The following ACTR3B variants were observed in gnomAD, a reference collection of about 807,000 sequenced individuals.
ACTR3B encodes the protein actin related protein 3B, also known as actin-related protein 3B.
ACTR3B carries 8 observed loss-of-function variants against 59.0 expected under a neutral mutation model. The ratio of observed to expected loss-of-function variants is 0.14; its 90% CI spans 0.08 to 0.24. The LOEUF is 0.24. Among genes scored for constraint, ACTR3B ranks in the 10% least tolerant of loss-of-function variants. ACTR3B has a pLI of 1.00. For missense variants in ACTR3B, 245 were observed against 552.3 expected, an observed-to-expected ratio of 0.44 and a Z score of 5.58; for synonymous variants, 148 against 197.9, an observed-to-expected ratio of 0.75 and a Z score of 2.12.
At chr7:152,802,913 A>G (rs926418960) in intron 4 of ACTR3B, among the ~76,000 whole-genome samples, 2 of 152,264 alleles carry the variant, frequency 1.3e-5, no homozygotes, top group African/African-American at 2.4e-5. Flanking sequence ...AATGTATATT[A>G]AAGCCAGTCT....
At chr7:152,833,905 C>T (rs1797226188) in intron 9 of ACTR3B, among the ~76,000 whole-genome samples, 1 of 151,964 alleles carries the variant, frequency 6.6e-6, no homozygotes, top group Non-Finnish European at 1.5e-5. Flanking sequence ...TTGAGGAATT[C>T]AGTCGATATA....
chr7:152,854,683 T>C lies in ACTR3B; in HGVS notation c.*130T>C. 1.1e-6 allele frequency: 1 copy of C among 940,856 alleles called. No homozygotes were observed. The highest frequency in any genetic ancestry group is 1.5e-5 in the South Asian group (1 of 67,088). The allele number at this position is 940,856 out of a possible 1,614,324, so 58.3% of individuals were successfully genotyped here. ...CCCAGCAGCGTGCTTGCATTGCCGG[T>C]GCATGAGGCGCGGCGCGGGCCCTTC... On this transcript the variant is annotated 3_prime_UTR_variant, in exon 12 of 12. Coordinates refer to ENST00000256001, the MANE Select transcript of ACTR3B (RefSeq NM_020445.6). This position sits in a 1 kb window ranked among gnomAD's most constrained non-coding sequence, Gnocchi z 4.9.
chr7:152,762,653 T>G (rs2966540), intron 1 of ACTR3B, among the ~76,000 whole-genome samples: 1 of 152,236 alleles, frequency 6.6e-6, no homozygotes, highest in African/African-American at 2.4e-5. Context: ...ATATACAGTA[T>G]GGATTCATGT....
chr7:152,793,092 TTTTTG>T (rs1196493995), intron 2 of ACTR3B, among the ~76,000 whole-genome samples: 3 of 149,526 alleles, frequency 2.0e-5, no homozygotes, highest in Non-Finnish European at 4.4e-5. Flanking sequence ...GAATGGATTT[TTTTTG>T]TTTTGTTTTG....
At chr7:152,818,044 G>C (rs1048045339) in intron 6 of ACTR3B, among the ~76,000 whole-genome samples, 2 of 152,140 alleles carry the variant, frequency 1.3e-5, no homozygotes, top group African/African-American at 2.4e-5. Flanking sequence ...CCCCCTTCAA[G>C]CCAGTCTCAG....
intron 10 of ACTR3B, among the ~76,000 whole-genome samples, chr7:152,853,290 T>G (rs993292779): frequency 6.6e-6 from 1 of 152,000 alleles, no homozygotes; most frequent in Non-Finnish European, 1.5e-5. Context: ...TGTGTTCCTT[T>G]GAGCGCTGGG....
intron 2 of ACTR3B, among the ~76,000 whole-genome samples, chr7:152,788,574 A>G (rs2098182755): frequency 6.6e-6 from 1 of 151,890 alleles, no homozygotes; most frequent in Non-Finnish European, 1.5e-5. Flanking sequence ...CACCATGCTC[A>G]GCTAATTTTT....
intron 9 of ACTR3B, among the ~76,000 whole-genome samples, chr7:152,847,728 G>A (rs1032083330): frequency 1.8e-4 from 28 of 152,178 alleles, no homozygotes; most frequent in Non-Finnish European, 3.5e-4. Flanking sequence ...GAGGCCCCTC[G>A]TGGCTCTGAG....
intron 9 of ACTR3B, among the ~76,000 whole-genome samples, chr7:152,836,952 C>T (rs2429315): frequency 1.3e-5 from 2 of 152,156 alleles, no homozygotes. Context: ...AGGAGGATTG[C>T]TTAAGACCAG....
At chr7:152,850,228 G>T (rs1798688690) in intron 9 of ACTR3B, among the ~76,000 whole-genome samples, 1 of 151,436 alleles carries the variant, frequency 6.6e-6, no homozygotes, top group Non-Finnish European at 1.5e-5. Flanking sequence ...ATCACTGGTG[G>T]CTTCTCCAGA....
chr7:152,803,136 T>A (rs967968246), intron 4 of ACTR3B, among the ~76,000 whole-genome samples: 7 of 152,246 alleles, frequency 4.6e-5, no homozygotes, highest in Admixed American at 3.3e-4. Context: ...AGCCTCGGAC[T>A]CTGGGCTCAG....
At chr7:152,781,807 A>T (rs1466916334) in intron 1 of ACTR3B, among the ~76,000 whole-genome samples, 2 of 152,098 alleles carry the variant, frequency 1.3e-5, no homozygotes, top group African/African-American at 4.8e-5. Flanking sequence ...TCTACCTTGT[A>T]GGTGGAACCC....
rs916598244 is a variant in ACTR3B at position 152,854,039 on chromosome 7, A to G, written c.1162-419A>G. 7.2e-5 allele frequency among the ~76,000 whole-genome samples: 11 copies of G among 152,182 alleles called. No individual in the cohort carries two copies. Among genetic ancestry groups the G allele is most frequent in the African/African-American group, 1.7e-4 (7 of 41,428 alleles). On this transcript the variant is annotated intron_variant, in intron 11 of 11. Transcript: ENST00000256001. The surrounding 1 kb of genome is among the most constrained non-coding windows in gnomAD (Gnocchi z 4.9). ...CTCTGTGCCCGGCCCGATATAAACT[A>G]TATCTTAATAATCACACAACACATT...
chr7:152,796,369 T>TAACCC (rs1215982006), intron 2 of ACTR3B, among the ~76,000 whole-genome samples: 1 of 151,758 alleles, frequency 6.6e-6, no homozygotes, highest in Non-Finnish European at 1.5e-5. Context: ...CTGGAATGGT[T>TAACCC]GTATCTGGGT....
At chr7:152,843,302 A>G (rs1484173416) in intron 9 of ACTR3B, among the ~76,000 whole-genome samples, 1 of 152,214 alleles carries the variant, frequency 6.6e-6, no homozygotes, top group Non-Finnish European at 1.5e-5. Flanking sequence ...TTTCAAAGAA[A>G]TTTTGTACTT....
At chr7:152,790,714 GAT>G (rs1188527671) in intron 2 of ACTR3B, among the ~76,000 whole-genome samples, 2 of 152,080 alleles carry the variant, frequency 1.3e-5, no homozygotes, top group Non-Finnish European at 2.9e-5. Flanking sequence ...GTTTGCATAA[GAT>G]AGGAATTGTT....
rs546047030 is a variant in ACTR3B, at chr7:152,801,458, CT to C, written c.226-155del. On this transcript the variant is annotated intron_variant, in intron 3 of 11. Transcript: ENST00000256001. The stretch of plus-strand genomic sequence containing the variant: ...AATATGAACAATAATGTAACTTAAT[CT>C]TTTTTTTCCAAATGCTGTTGTTTCT... Among the ~76,000 whole-genome samples, 1,012 of 152,180 alleles carry C rather than the reference CT, an allele frequency of 6.7e-3. 10 individuals carry two copies. Among genetic ancestry groups the C allele is most frequent in the African/African-American group, 0.021 (889 of 41,510 alleles).
At chr7:152,790,838 C>G (rs1263638022) in intron 2 of ACTR3B, among the ~76,000 whole-genome samples, 1 of 152,054 alleles carries the variant, frequency 6.6e-6, no homozygotes, top group Non-Finnish European at 1.5e-5. Flanking sequence ...TCTGAAGTAT[C>G]TGTGTCTTAA....
intron 9 of ACTR3B, among the ~76,000 whole-genome samples, chr7:152,847,780 C>G (rs1349302445): frequency 6.6e-6 from 1 of 152,126 alleles, no homozygotes; most frequent in Non-Finnish European, 1.5e-5. Context: ...ATGATTAAGG[C>G]CAGTGGGTTT....
Sources: allele counts gnomAD v4.1 joint callset (sites outside exome capture counted in the v4.1 genomes callset), GRCh38; gene constraint gnomAD v4.1.1; non-coding constraint Gnocchi (gnomAD v3.1); transcripts MANE v1.5; gene names NCBI Gene and HGNC (gene_info 2026-07-23, HGNC 2026-07-21).